SPATA16: variants seen among roughly 807,000 people sequenced by gnomAD.
The protein encoded by SPATA16 is spermatogenesis-associated protein 16.
SPATA16 carries 36 observed loss-of-function variants against 63.3 expected under a neutral mutation model. That is an observed-to-expected ratio of 0.57 (90% CI 0.44 to 0.75). SPATA16 has a LOEUF of 0.75. Among genes scored for constraint, SPATA16 ranks in the 30% least tolerant of loss-of-function variants. The probability of loss-of-function intolerance (pLI) is 0.00; values close to 1 mark genes in which losing one functional copy is unlikely to be tolerated. For missense variants in SPATA16, 646 were observed against 679.3 expected (o/e 0.95, Z 0.54); for synonymous variants, 203 against 216.7 (o/e 0.94, Z 0.56).
chr3:173,067,538 C>G (rs1736551097), intron 2 of SPATA16, among the ~76,000 whole-genome samples: 1 of 152,048 alleles, frequency 6.6e-6, no homozygotes, highest in African/African-American at 2.4e-5. Context: ...ACTAAAGCCC[C>G]TTGACATGCA....
chr3:173,123,680 T>C (rs1023680834), intron 1 of SPATA16, among the ~76,000 whole-genome samples: 1 of 151,192 alleles, frequency 6.6e-6, no homozygotes, highest in Non-Finnish European at 1.5e-5. Flanking sequence ...CTCAGCTCAC[T>C]GCAAACTCCG....
chr3:173,095,149 C>T (rs1301415078), intron 2 of SPATA16, among the ~76,000 whole-genome samples: 1 of 152,072 alleles, frequency 6.6e-6, no homozygotes. Context: ...GCCTTAGTTT[C>T]CTCATTTGCA....
chr3:173,028,018 CCTTCTTT>C (rs1560100996), intron 3 of SPATA16, among the ~76,000 whole-genome samples: 1,453 of 63,064 alleles, frequency 0.023, 58 homozygotes, highest in Non-Finnish European at 0.027. Flanking sequence ...TCCCTCCCTT[CCTTCTTT>C]CCTTCCTTCC....
chr3:173,047,584 A>G (rs1735985991), intron 3 of SPATA16, among the ~76,000 whole-genome samples: 1 of 151,968 alleles, frequency 6.6e-6, no homozygotes, highest in Non-Finnish European at 1.5e-5. Flanking sequence ...ATGATCAAAT[A>G]TTTTTTAGTC....
chr3:173,011,117 T>A (rs569020632), intron 4 of SPATA16, among the ~76,000 whole-genome samples: 70 of 152,188 alleles, frequency 4.6e-4, no homozygotes, highest in African/African-American at 1.7e-3. Context: ...TACCAAAATC[T>A]GGCAAAGACA....
At chr3:172,901,024 A>G (rs1309612548) in intron 10 of SPATA16, among the ~76,000 whole-genome samples, 2 of 151,912 alleles carry the variant, frequency 1.3e-5, no homozygotes, top group Admixed American at 6.6e-5. Flanking sequence ...AGTCCATCCA[A>G]TAAATTTTTT....
chr3:172,958,097 C>T (rs906977539), intron 5 of SPATA16, among the ~76,000 whole-genome samples: 1 of 152,166 alleles, frequency 6.6e-6, no homozygotes, highest in African/African-American at 2.4e-5. Flanking sequence ...CAACATTGTC[C>T]TGTTCAAGTT....
At position 173,068,353 on chromosome 3, in the gene SPATA16, C is replaced by T. The variant is rs939741933; in HGVS notation, c.613-19259G>A. 2.0e-4 allele frequency among the ~76,000 whole-genome samples: 31 copies of T among 152,136 alleles called. No homozygotes were observed. In the Middle Eastern group the frequency reaches 0.01, roughly 50 times the overall value. On this transcript the variant is annotated intron_variant, in intron 2 of 10. Transcript: ENST00000351008. ...TAAAAAGTCAAAAAGTGGGAGAAAA[C>T]GGTTGAAGTGTAGAAGTTTGTAGTT...
At chr3:173,059,682 T>C (rs1256718567) in intron 2 of SPATA16, among the ~76,000 whole-genome samples, 1 of 152,104 alleles carries the variant, frequency 6.6e-6, no homozygotes, top group African/African-American at 2.4e-5. Context: ...TTATGGATTA[T>C]CTGCTTAGTT....
chr3:173,004,751 G>T, intron 4 of SPATA16, among the ~76,000 whole-genome samples: 1 of 152,158 alleles, frequency 6.6e-6, no homozygotes, highest in Non-Finnish European at 1.5e-5. Flanking sequence ...GAGAGTTTAT[G>T]ATGTGCCAAA....
intron 10 of SPATA16, among the ~76,000 whole-genome samples, chr3:172,907,176 G>A (rs956866117): frequency 1.8e-4 from 28 of 152,172 alleles, no homozygotes; most frequent in Non-Finnish European, 2.2e-4. Context: ...TGCAGAGAAA[G>A]GAAGTGGCTT....
intron 3 of SPATA16, among the ~76,000 whole-genome samples, chr3:173,025,552 T>C (rs60905400): frequency 0.017 from 2,604 of 151,990 alleles, 67 homozygotes; most frequent in African/African-American, 0.059. Flanking sequence ...ATCAACACAA[T>C]AGAGATACAG....
intron 3 of SPATA16, among the ~76,000 whole-genome samples, chr3:173,032,968 G>A (rs977603444): frequency 6.6e-6 from 1 of 152,096 alleles, no homozygotes; most frequent in South Asian, 2.1e-4. Flanking sequence ...TCATGAATGA[G>A]ATCTACATCT....
chr3:173,002,655 T>C (rs1734851739), intron 4 of SPATA16, among the ~76,000 whole-genome samples: 1 of 152,190 alleles, frequency 6.6e-6, no homozygotes, highest in Non-Finnish European at 1.5e-5. Context: ...AGAGATTTGC[T>C]TTGCCAGATA....
chr3:173,019,598 C>T (rs768378964), intron 3 of SPATA16, 23 bp from the exon 4 acceptor site: 2 of 1,606,162 alleles, frequency 1.2e-6, no homozygotes, highest in East Asian at 2.2e-5. Flanking sequence ...AAAAGAAATG[C>T]AAATGTTATT....
rs1381610505 is a variant in SPATA16, at chr3:173,117,424, A to G, written c.308T>C (p.Leu103Pro). 4 of 1,613,984 alleles carry G rather than the reference A, an allele frequency of 2.5e-6. No homozygotes were observed. Among genetic ancestry groups the G allele is most frequent in the Admixed American group, 1.7e-5 (1 of 59,994 alleles). ...AGGCATGGTGATTAACTGATTGTCA[A>G]GTTCTGTTATCTTTGCCTGTTTCTT... is the stretch of plus-strand genomic sequence containing the variant. ...TRKKQAKITELDNQLITMPLP... is the reference protein window; with the variant it reads ...TRKKQAKITEPDNQLITMPLP... The change falls in exon 2 of 11, where the codon CTT becomes CCT. Residue 103 changes from leucine to proline, a missense_variant. Leu to Pro is a moderately conservative substitution (Grantham distance 98). Transcript: ENST00000351008.
intron 7 of SPATA16, 140 bp downstream of exon 7, chr3:172,925,206 C>A (rs1732700349): frequency 1.1e-6 from 1 of 941,160 alleles, no homozygotes; most frequent in Admixed American, 2.3e-5. Context: ...GGAAAGATTT[C>A]CTGGAACCAG....
At chr3:173,039,004 C>T (rs1735778978) in intron 3 of SPATA16, among the ~76,000 whole-genome samples, 1 of 152,016 alleles carries the variant, frequency 6.6e-6, no homozygotes, top group Non-Finnish European at 1.5e-5. Flanking sequence ...AAATTCAGGC[C>T]TTTGATTTCT....
At position 173,069,855 on chromosome 3, in the gene SPATA16, C is replaced by T. The variant is rs185029585; in HGVS notation, c.613-20761G>A. Among the ~76,000 whole-genome samples the T allele has an allele frequency of 1.2e-4, 19 of 152,082 alleles. No individual in the cohort carries two copies. In the East Asian group the frequency reaches 3.7e-3, roughly 29 times the overall value. On this transcript the variant is annotated intron_variant, in intron 2 of 10. Coordinates refer to ENST00000351008, the MANE Select transcript of SPATA16 (RefSeq NM_031955.6). ...CATACACACATCAATAAATGTAATA[C>T]ACCATATCAACTTAATAAAGGACAA...
Sources: gnomAD v4.1 joint callset for allele counts (sites outside exome capture counted in the v4.1 genomes callset) on GRCh38, gnomAD v4.1.1 for gene constraint, MANE v1.5 for transcripts, NCBI Gene and HGNC (gene_info 2026-07-23, HGNC 2026-07-21) for gene names.